The following EGFLAM variants were observed in gnomAD, a reference collection of about 807,000 sequenced individuals.
EGFLAM encodes the protein EGF like, fibronectin type III and laminin G domains, also known as pikachurin.
A neutral mutation model predicts 113.1 loss-of-function variants in EGFLAM; 79 were observed. The ratio of observed to expected loss-of-function variants is 0.70; its 90% CI spans 0.58 to 0.84. The LOEUF (loss-of-function observed/expected upper bound fraction) is 0.84. Ranked by LOEUF, EGFLAM falls within the 40% of genes least tolerant of loss-of-function variation. The probability of loss-of-function intolerance (pLI) is 0.00; values close to 1 mark genes in which losing one functional copy is unlikely to be tolerated. For missense variants in EGFLAM, 1,265 were observed against 1,291.6 expected, an observed-to-expected ratio of 0.98 and a Z score of 0.32; for synonymous variants, 504 against 487.6, an observed-to-expected ratio of 1.03 and a Z score of -0.44.
chr5:38,432,904 ACT>A (rs1300574919), intron 15 of EGFLAM, among the ~76,000 whole-genome samples: 1 of 151,994 alleles, frequency 6.6e-6, no homozygotes, highest in Non-Finnish European at 1.5e-5. Context: ...TGACACCTAC[ACT>A]CTCCCTTTTG....
At chr5:38,328,607 C>T (rs946864174) in intron 1 of EGFLAM, among the ~76,000 whole-genome samples, 5 of 151,872 alleles carry the variant, frequency 3.3e-5, no homozygotes, top group South Asian at 4.1e-4. Context: ...GTGTTACTCT[C>T]GTTTTAATAT....
chr5:38,357,128 A>G (rs1739782749), intron 5 of EGFLAM, among the ~76,000 whole-genome samples: 1 of 152,196 alleles, frequency 6.6e-6, no homozygotes, highest in African/African-American at 2.4e-5. Flanking sequence ...GTGATATTGC[A>G]CACTGTAGTT....
In EGFLAM at chr5:38,464,104, A is replaced by C; in HGVS notation, c.*118A>C. 1 of 1,335,586 alleles carries C rather than the reference A, an allele frequency of 7.5e-7. No homozygotes were observed. The allele number at this position is 1,335,586 out of a possible 1,614,324, so 82.7% of individuals were successfully genotyped here. A position where few individuals can be genotyped will look rare whatever the true frequency, so the allele number is the denominator to read the frequency against. ...GGACCAGGTGTGTTTCCTCTCACCA[A>C]GAAGAAAGTACACACTGATGAGAAA... On this transcript the variant is annotated 3_prime_UTR_variant, in exon 22 of 22. Transcript: ENST00000322350.
At position 38,359,144 on chromosome 5, in the gene EGFLAM, G is replaced by T. The variant is rs901218357; in HGVS notation, c.545+6813G>T. The stretch of plus-strand genomic sequence containing the variant: ...CTCATAAGCAAATAATATATAGTAT[G>T]GTGGCAATGAAAACCAAAAGCCTGG... On this transcript the variant is annotated intron_variant, in intron 5 of 21. Transcript: ENST00000322350. Among the ~76,000 whole-genome samples, 5 of 152,252 alleles carry T rather than the reference G, an allele frequency of 3.3e-5. No homozygotes were observed. The South Asian group carries it at 8.3e-4, about 25-fold the overall frequency.
chr5:38,386,300 A>C (rs531790014), intron 6 of EGFLAM, among the ~76,000 whole-genome samples: 1 of 151,592 alleles, frequency 6.6e-6, no homozygotes, highest in South Asian at 2.1e-4. Flanking sequence ...GAGTTCAAGC[A>C]ATGTCTCCTG....
At chr5:38,329,715 A>C (rs948108181) in intron 1 of EGFLAM, among the ~76,000 whole-genome samples, 1 of 152,122 alleles carries the variant, frequency 6.6e-6, no homozygotes, top group Non-Finnish European at 1.5e-5. Context: ...CCCTTTTCCC[A>C]TTCCCACTCT....
At chr5:38,412,944 C>T (rs1189773862) in intron 11 of EGFLAM, among the ~76,000 whole-genome samples, 1 of 151,872 alleles carries the variant, frequency 6.6e-6, no homozygotes, top group East Asian at 1.9e-4. Flanking sequence ...AGGACTGTGC[C>T]CAAGGACATG....
intron 1 of EGFLAM, among the ~76,000 whole-genome samples, chr5:38,298,222 G>A (rs893434983): frequency 2.0e-5 from 3 of 152,192 alleles, no homozygotes; most frequent in Non-Finnish European, 4.4e-5. Flanking sequence ...TTTCCCGCCT[G>A]TACAGCAACT....
intron 5 of EGFLAM, among the ~76,000 whole-genome samples, chr5:38,355,457 C>T (rs1397805080): frequency 6.6e-5 from 10 of 152,146 alleles, no homozygotes; most frequent in Non-Finnish European, 1.3e-4. Flanking sequence ...CATGCCACAG[C>T]TGCTGCTGAA....
At chr5:38,415,696 C>G (rs918914135) in intron 11 of EGFLAM, among the ~76,000 whole-genome samples, 1 of 152,142 alleles carries the variant, frequency 6.6e-6, no homozygotes, top group Admixed American at 6.5e-5. Flanking sequence ...TTAGTCCGTT[C>G]TCATACTGCT....
chr5:38,446,625 C>T (rs1742723057), intron 17 of EGFLAM, among the ~76,000 whole-genome samples: 1 of 152,168 alleles, frequency 6.6e-6, no homozygotes, highest in African/African-American at 2.4e-5. Context: ...TCCTTGCAGC[C>T]TCAGGCCCTC....
At chr5:38,438,224 T>G (rs752068974) in intron 16 of EGFLAM, 51 bp from the exon 17 acceptor site, 1 of 1,580,912 alleles carries the variant, frequency 6.3e-7, no homozygotes, top group Non-Finnish European at 8.6e-7. Flanking sequence ...TTTAGAAGAC[T>G]ACAAAGATGT....
chr5:38,290,315 T>C (rs1758289554), intron 1 of EGFLAM, among the ~76,000 whole-genome samples: 1 of 152,144 alleles, frequency 6.6e-6, no homozygotes, highest in Non-Finnish European at 1.5e-5. Context: ...TCTTGAGATG[T>C]TAACTCCCCA....
chr5:38,417,899 G>A (rs1182408687), intron 11 of EGFLAM, among the ~76,000 whole-genome samples, 167 bp from the exon 12 acceptor site: 1 of 152,124 alleles, frequency 6.6e-6, no homozygotes, highest in Non-Finnish European at 1.5e-5. Context: ...TACGGTAATC[G>A]TGGGTTTAAT....
intron 1 of EGFLAM, among the ~76,000 whole-genome samples, chr5:38,301,293 G>A (rs1246006903): frequency 6.6e-6 from 1 of 152,200 alleles, no homozygotes; most frequent in Non-Finnish European, 1.5e-5. Context: ...CCCAAGTGAA[G>A]ACTGTCAGGA....
At chr5:38,298,468 G>A (rs893309243) in intron 1 of EGFLAM, among the ~76,000 whole-genome samples, 24 of 152,038 alleles carry the variant, frequency 1.6e-4, no homozygotes, top group African/African-American at 5.3e-4. Flanking sequence ...GCCCCAATTC[G>A]TTGGATCATC....
At chr5:38,304,451 T>C (rs906924742) in intron 1 of EGFLAM, among the ~76,000 whole-genome samples, 1 of 152,170 alleles carries the variant, frequency 6.6e-6, no homozygotes, top group Non-Finnish European at 1.5e-5. Context: ...GAAAAGTATA[T>C]ATACATGGGA....
chr5:38,434,341 C>A (rs1264307210), intron 15 of EGFLAM, among the ~76,000 whole-genome samples: 6 of 152,332 alleles, frequency 3.9e-5, no homozygotes, highest in African/African-American at 1.4e-4. Context: ...GTGCTGATAT[C>A]ACCTGCTCTT....
intron 6 of EGFLAM, among the ~76,000 whole-genome samples, chr5:38,390,698 G>A (rs1355695473): frequency 1.3e-5 from 2 of 152,110 alleles, no homozygotes; most frequent in African/African-American, 4.8e-5. Flanking sequence ...AATGTAAAAT[G>A]ATATATCATT....
Sources: gnomAD v4.1 joint callset for allele counts (sites outside exome capture counted in the v4.1 genomes callset) on GRCh38, gnomAD v4.1.1 for gene constraint, MANE v1.5 for transcripts, NCBI Gene and HGNC (gene_info 2026-07-23, HGNC 2026-07-21) for gene names.